The following KBTBD12 variants were observed in gnomAD, a reference collection of about 807,000 sequenced individuals.
The protein encoded by KBTBD12 is kelch repeat and BTB domain-containing protein 12.
In KBTBD12, 53 loss-of-function variants were observed where a neutral mutation model predicts 58.7. The ratio of observed to expected loss-of-function variants is 0.90; its 90% confidence interval spans 0.72 to 1.14. KBTBD12 has a LOEUF of 1.14. Ranked by LOEUF, KBTBD12 falls within the 50% of genes most tolerant of loss-of-function variation. The probability of loss-of-function intolerance (pLI) is 0.00; values close to 1 mark genes in which losing one functional copy is unlikely to be tolerated. For synonymous variants in KBTBD12, 236 were observed against 259.8 expected, an observed-to-expected ratio of 0.91 and a Z score of 0.88; for missense variants, 704 against 751.3, an observed-to-expected ratio of 0.94 and a Z score of 0.74.
intron 2 of KBTBD12, among the ~76,000 whole-genome samples, chr3:127,925,600 G>C (rs1939552120): frequency 6.6e-6 from 1 of 152,072 alleles, no homozygotes; most frequent in Admixed American, 6.6e-5. Flanking sequence ...CTTTCTAACA[G>C]CAAATGTCTA....
intron 4 of KBTBD12, among the ~76,000 whole-genome samples, chr3:127,961,425 C>T (rs966097606): frequency 6.6e-6 from 1 of 152,186 alleles, no homozygotes; most frequent in Non-Finnish European, 1.5e-5. Context: ...AGCTAAAAGC[C>T]TCCTGAGTTA....
intron 4 of KBTBD12, among the ~76,000 whole-genome samples, chr3:127,955,002 G>A (rs938730680): frequency 6.6e-6 from 1 of 152,204 alleles, no homozygotes; most frequent in South Asian, 2.1e-4. Context: ...GGCACAAGAC[G>A]TTGTTTTACT....
Position 127,930,169 on chromosome 3 carries a change from A to C in KBTBD12, c.1378A>C (p.Asn460His). ...LPDEEPDRLS[N>H]KLLQYDPSQD... is the part of the protein sequence containing the mutation. ...TGATGAAGAACCTGATCGATTAAGC[A>C]ACAAACTGTTGCAGTATGACCCCAG... Residue 460 changes from asparagine (N) to histidine (H), a missense_variant, in exon 4 of 6, where the codon AAC (asparagine) becomes CAC (histidine). Transcript: ENST00000405109. The C allele has an allele frequency of 6.2e-7, 1 of 1,600,218 alleles. No individual in the cohort carries two copies. Among genetic ancestry groups the C allele is most frequent in the Admixed American group, 1.7e-5 (1 of 57,972 alleles).
chr3:127,921,767 A>G (rs1939416292), intron 1 of KBTBD12, among the ~76,000 whole-genome samples: 1 of 152,182 alleles, frequency 6.6e-6, no homozygotes, highest in Non-Finnish European at 1.5e-5. Context: ...GAGACAGACA[A>G]ACTGCATCCA....
chr3:127,969,628 G>T (rs1940646630), intron 5 of KBTBD12, among the ~76,000 whole-genome samples: 1 of 152,108 alleles, frequency 6.6e-6, no homozygotes, highest in Non-Finnish European at 1.5e-5. Context: ...AAAACATATC[G>T]ATCAGTAGAA....
intron 4 of KBTBD12, among the ~76,000 whole-genome samples, chr3:127,933,038 A>G (rs532216913): frequency 6.6e-6 from 1 of 152,312 alleles, no homozygotes; most frequent in Non-Finnish European, 1.5e-5. Flanking sequence ...CCAAAAGCCA[A>G]ATGAAAGCAG....
Position 127,923,469 on chromosome 3 carries a change from CTAT to C in KBTBD12, c.413_415del (p.Tyr138del), listed in dbSNP as rs757518099. The C allele has an allele frequency of 1.2e-6, 2 of 1,610,944 alleles. No homozygotes were observed. The highest frequency in any genetic ancestry group is 2.2e-5 in the South Asian group (2 of 90,900). On this transcript the variant is annotated inframe_deletion, in exon 2 of 6. Transcript: ENST00000405109. ...TGGATGCCTCCAACTGTTTAGGTAT[CTAT>C]TATTTTGCAAAGCAGATTGGAGCTG... is the stretch of plus-strand genomic sequence containing the variant.
Position 127,926,000 on chromosome 3 carries a change from A to G in KBTBD12, c.1071-1764A>G, listed in dbSNP as rs139176281. 2.8e-4 allele frequency among the ~76,000 whole-genome samples: 42 copies of G among 152,314 alleles called. No individual in the cohort carries two copies. The East Asian group carries it at 6.2e-3, about 22-fold the overall frequency. On this transcript the variant is annotated intron_variant, in intron 2 of 5. Coordinates refer to ENST00000405109, the MANE Select transcript of KBTBD12 (RefSeq NM_207335.4). Reference sequence around the variant, plus strand: ...TATTTCTTCTTGACTTAAAAGAGGAAGTAGACTAGTACTCTGGAAGATTAT... The same window carrying G: ...TATTTCTTCTTGACTTAAAAGAGGAGGTAGACTAGTACTCTGGAAGATTAT...
intron 4 of KBTBD12, among the ~76,000 whole-genome samples, chr3:127,941,844 C>A (rs762983232): frequency 6.6e-6 from 1 of 152,146 alleles, no homozygotes; most frequent in Non-Finnish European, 1.5e-5. Context: ...AAGTGATCCA[C>A]CCGCCTCAGC....
intron 4 of KBTBD12, among the ~76,000 whole-genome samples, chr3:127,958,024 C>T (rs533999565): frequency 5.3e-5 from 8 of 152,138 alleles, no homozygotes; most frequent in Non-Finnish European, 1.2e-4. Context: ...AGAGGCCATT[C>T]TAGGCGGAGA....
intron 5 of KBTBD12, among the ~76,000 whole-genome samples, chr3:127,969,108 G>T (rs1232972619): frequency 2.0e-5 from 3 of 152,132 alleles, no homozygotes; most frequent in Admixed American, 6.5e-5. Flanking sequence ...GAAAGAAAAA[G>T]AAATATAAAG....
At chr3:127,917,379 GA>G (rs1400129320) in intron 1 of KBTBD12, among the ~76,000 whole-genome samples, 11 of 152,222 alleles carry the variant, frequency 7.2e-5, no homozygotes, top group African/African-American at 2.7e-4. Context: ...AGATATGGGG[GA>G]AGGGGTACAG....
At chr3:127,961,607 T>C (rs1235017639) in intron 4 of KBTBD12, among the ~76,000 whole-genome samples, 2 of 152,250 alleles carry the variant, frequency 1.3e-5, no homozygotes, top group Non-Finnish European at 2.9e-5. Context: ...CTTGGATTCA[T>C]TGAGTACTGT....
At chr3:127,974,161 C>T (rs1940734632) in intron 5 of KBTBD12, among the ~76,000 whole-genome samples, 1 of 152,182 alleles carries the variant, frequency 6.6e-6, no homozygotes. Flanking sequence ...GCAGTAAGTG[C>T]AGAGAGCAAT....
At chr3:127,936,063 A>G (rs568014013) in intron 4 of KBTBD12, among the ~76,000 whole-genome samples, 106 of 152,240 alleles carry the variant, frequency 7.0e-4, no homozygotes, top group African/African-American at 2.5e-3. Flanking sequence ...CCTAAAATAC[A>G]TGAAGCAAAA....
intron 1 of KBTBD12, among the ~76,000 whole-genome samples, chr3:127,921,902 G>GA (rs1458335041): frequency 6.6e-6 from 1 of 152,092 alleles, no homozygotes; most frequent in African/African-American, 2.4e-5. Flanking sequence ...GAGAAGTGGA[G>GA]AATAGTCACC....
chr3:127,928,049 T>G lies in KBTBD12; in HGVS notation c.1341+15T>G. The G allele has an allele frequency of 6.2e-7, 1 of 1,608,044 alleles. No homozygotes were observed. The highest frequency in any genetic ancestry group is 8.5e-7 in the Non-Finnish European group (1 of 1,174,942). On this transcript the variant is annotated intron_variant, in intron 3 of 5. Coordinates refer to ENST00000405109, the MANE Select transcript of KBTBD12 (RefSeq NM_207335.4). ...GGACCCCTCAGGTTAAGAAATTTCCTGTATACATAATTGGCATGGCTATAC... is the reference window on the plus strand; with the variant it reads ...GGACCCCTCAGGTTAAGAAATTTCCGGTATACATAATTGGCATGGCTATAC...
chr3:127,960,226 A>C (rs80023582), intron 4 of KBTBD12, among the ~76,000 whole-genome samples: 3,480 of 152,254 alleles, frequency 0.023, 121 homozygotes, highest in African/African-American at 0.076. Context: ...CCTGCACCCC[A>C]CAGAGAGGAG....
At chr3:127,979,431 C>T (rs1940838729) in intron 5 of KBTBD12, among the ~76,000 whole-genome samples, 1 of 152,148 alleles carries the variant, frequency 6.6e-6, no homozygotes, top group East Asian at 1.9e-4. Context: ...TTTGCATGGA[C>T]TTTTTCAGAA....
Sources: allele counts gnomAD v4.1 joint callset (sites outside exome capture counted in the v4.1 genomes callset), GRCh38; gene constraint gnomAD v4.1.1; transcripts MANE v1.5; gene names NCBI Gene and HGNC (gene_info 2026-07-23, HGNC 2026-07-21).